SLCO1A2: variants seen among roughly 807,000 people sequenced by gnomAD.
The protein encoded by SLCO1A2 is OATP-1.
In SLCO1A2, 67 loss-of-function variants were observed where a neutral mutation model predicts 69.0. The ratio of observed to expected loss-of-function variants is 0.97; its 90% CI spans 0.80 to 1.19. The LOEUF (loss-of-function observed/expected upper bound fraction) is 1.19. Among genes scored for constraint, SLCO1A2 ranks in the 50% most tolerant of loss-of-function variants. The probability of loss-of-function intolerance (pLI) is 0.00; values close to 1 mark genes in which losing one functional copy is unlikely to be tolerated. For missense variants in SLCO1A2, 787 were observed against 793.7 expected, an observed-to-expected ratio of 0.99 and a Z score of 0.10; for synonymous variants, 260 against 265.9, an observed-to-expected ratio of 0.98 and a Z score of 0.22.
At chr12:21,327,306 C>G (rs972541003) in intron 2 of SLCO1A2, among the ~76,000 whole-genome samples, 4 of 152,194 alleles carry the variant, frequency 2.6e-5, no homozygotes, top group Non-Finnish European at 4.4e-5. Flanking sequence ...TGGAGAACCT[C>G]TGCTAGGGCA....
chr12:21,284,588 T>C (rs907916584), intron 12 of SLCO1A2, among the ~76,000 whole-genome samples: 44 of 149,190 alleles, frequency 2.9e-4, no homozygotes, highest in African/African-American at 6.3e-4. Context: ...TATTCCAAAA[T>C]TGACCACATA....
chr12:21,335,645 A>G (rs1031497581), upstream of SLCO1A2, among the ~76,000 whole-genome samples: 1 of 152,086 alleles, frequency 6.6e-6, no homozygotes, highest in Non-Finnish European at 1.5e-5. Context: ...CCTTTAAACA[A>G]TATCCATTTA....
At position 21,294,041 on chromosome 12, in the gene SLCO1A2, A is replaced by G; in HGVS notation, c.1341T>C (p.Ser447=). 6.2e-7 allele frequency: 1 copy of G among 1,611,816 alleles called. No individual in the cohort carries two copies. Among genetic ancestry groups the G allele is most frequent in the Non-Finnish European group, 8.5e-7 (1 of 1,178,992 alleles). ...ADCNVDCNCP[S]KIWDPVCGNN... ...TTCCACACACAGGATCCCATATTTT[A>G]GATGGACAGTTGCAATCCACATTGC... The change falls in exon 11 of 15, where the codon TCT becomes TCC. Residue 447 remains serine (S), a synonymous_variant. Transcript: ENST00000683939.
intron 2 of SLCO1A2, among the ~76,000 whole-genome samples, chr12:21,362,955 A>G (rs1331279940): frequency 1.3e-5 from 2 of 152,190 alleles, no homozygotes; most frequent in Non-Finnish European, 2.9e-5. Flanking sequence ...GGGAGACATT[A>G]ACACCCCACT....
At chr12:21,394,038 A>AGC (rs1941294455) in intron 1 of SLCO1A2, among the ~76,000 whole-genome samples, 1 of 152,232 alleles carries the variant, frequency 6.6e-6, no homozygotes, top group African/African-American at 2.4e-5. Context: ...AGCAGAGCAC[A>AGC]GCCATGGTTC....
intron 1 of SLCO1A2, among the ~76,000 whole-genome samples, chr12:21,404,785 G>A (rs1158944038): frequency 6.6e-6 from 1 of 152,026 alleles, no homozygotes; most frequent in Non-Finnish European, 1.5e-5. Context: ...TAGTATTTCT[G>A]GTTCTAGATC....
chr12:21,367,641 A>G (rs1366592571), intron 2 of SLCO1A2, among the ~76,000 whole-genome samples: 1 of 152,150 alleles, frequency 6.6e-6, no homozygotes, highest in Admixed American at 6.5e-5. Flanking sequence ...ATAAAAAAGG[A>G]AAATACTCAC....
intron 4 of SLCO1A2, among the ~76,000 whole-genome samples, chr12:21,309,779 A>C (rs1949877044): frequency 6.6e-6 from 1 of 152,242 alleles, no homozygotes; most frequent in South Asian, 2.1e-4. Flanking sequence ...ACAGGTAAAA[A>C]GCAAATTCTC....
intron 12 of SLCO1A2, among the ~76,000 whole-genome samples, chr12:21,289,556 G>C (rs1946503903): frequency 6.6e-6 from 1 of 152,106 alleles, no homozygotes; most frequent in Non-Finnish European, 1.5e-5. Context: ...ATGAGCTTCT[G>C]AGTTGGTAAA....
chr12:21,386,021 T>C (rs183741443), intron 1 of SLCO1A2, among the ~76,000 whole-genome samples: 1 of 152,334 alleles, frequency 6.6e-6, no homozygotes, highest in Admixed American at 6.5e-5. Context: ...ATGATTATTA[T>C]CTGGCTATGC....
At chr12:21,379,314 T>A (rs1172375729) in intron 1 of SLCO1A2, 1 of 152,240 alleles carries the variant, frequency 6.6e-6, no homozygotes, top group African/African-American at 2.4e-5. Context: ...TTTGTATCCA[T>A]GAGGGTTTCA....
At chr12:21,347,862 A>G (rs765877252) in intron 2 of SLCO1A2, among the ~76,000 whole-genome samples, 15 of 152,196 alleles carry the variant, frequency 9.9e-5, no homozygotes, top group Non-Finnish European at 2.1e-4. Flanking sequence ...TAAATAGCAA[A>G]CCAATTAATG....
chr12:21,347,581 G>C (rs1953298959), intron 2 of SLCO1A2, among the ~76,000 whole-genome samples: 2 of 151,868 alleles, frequency 1.3e-5, no homozygotes, highest in African/African-American at 4.8e-5. Flanking sequence ...GGAGGCGGAG[G>C]TTGCAGTGAG....
At chr12:21,372,950 G>A (rs1939907434) in intron 2 of SLCO1A2, 2 of 237,080 alleles carry the variant, frequency 8.4e-6, no homozygotes, top group African/African-American at 2.4e-5. Context: ...TTTTCTTGAA[G>A]CTTTCTTTCT....
At chr12:21,415,802 A>G (rs1253915389) in intron 1 of SLCO1A2, among the ~76,000 whole-genome samples, 2 of 152,058 alleles carry the variant, frequency 1.3e-5, no homozygotes, top group African/African-American at 4.8e-5. Context: ...CTTTCAATAC[A>G]AAGACTTGTA....
At chr12:21,394,011 G>T (rs549643046) in intron 1 of SLCO1A2, among the ~76,000 whole-genome samples, 6 of 152,186 alleles carry the variant, frequency 3.9e-5, no homozygotes, top group African/African-American at 1.4e-4. Context: ...AATAAACCTT[G>T]TATCAATCTA....
chr12:21,403,022 C>T (rs1941756705), intron 1 of SLCO1A2, among the ~76,000 whole-genome samples: 1 of 152,044 alleles, frequency 6.6e-6, no homozygotes, highest in Non-Finnish European at 1.5e-5. Flanking sequence ...ATGTGAAGAA[C>T]ACGGGGCTTG....
intron 2 of SLCO1A2, among the ~76,000 whole-genome samples, chr12:21,358,004 C>T (rs1432769239): frequency 1.3e-5 from 2 of 151,958 alleles, no homozygotes; most frequent in Non-Finnish European, 2.9e-5. Context: ...GGGTGGGTGG[C>T]GTGAGGTGGG....
rs377135174 is a variant in SLCO1A2, at chr12:21,314,624, A to G, written c.260T>C (p.Ile87Thr). 18 of 1,613,338 alleles carry G rather than the reference A, an allele frequency of 1.1e-5. No individual in the cohort carries two copies. The highest frequency in any genetic ancestry group is 1.0e-4 in the Admixed American group (6 of 60,008). ...AACCACACATCCAATGCCAATCATT[A>G]TAGGTCTATGCAGTTTGGTTCCAAA... ...SYFGTKLHRP[I>T]MIGIGCVVMG... The change falls in exon 4 of 15, where the codon ATA (isoleucine) becomes ACA (threonine). Residue 87 changes from isoleucine (I) to threonine (T), a missense_variant. Transcript: ENST00000683939.
Sources: gnomAD v4.1 joint callset for allele counts (sites outside exome capture counted in the v4.1 genomes callset) on GRCh38, gnomAD v4.1.1 for gene constraint, MANE v1.5 for transcripts, NCBI Gene and HGNC (gene_info 2026-07-23, HGNC 2026-07-21) for gene names.